Variants in SPAG17 observed in about 807,000 individuals in gnomAD.
SPAG17 encodes the protein sperm-associated antigen 17.
SPAG17 carries 169 observed loss-of-function variants against 273.6 expected under a neutral mutation model. The observed-to-expected ratio is 0.62, with a 90% CI of 0.55 to 0.70. The LOEUF is 0.70. SPAG17 is among the 30% of genes least tolerant of loss of function. SPAG17 has a pLI of 0.00. For missense variants in SPAG17, 2,557 were observed against 2,627.8 expected (o/e 0.97, Z 0.59); for synonymous variants, 825 against 873.2 (o/e 0.94, Z 0.97).
At chr1:118,036,129 T>C (rs1649047349) in intron 24 of SPAG17, among the ~76,000 whole-genome samples, 1 of 152,022 alleles carries the variant, frequency 6.6e-6, no homozygotes, top group Non-Finnish European at 1.5e-5. Context: ...TTGAGGCTGC[T>C]GTGAGGCATG....
At chr1:118,165,480 C>G (rs1357534509) in intron 1 of SPAG17, among the ~76,000 whole-genome samples, 1 of 152,030 alleles carries the variant, frequency 6.6e-6, no homozygotes, top group Non-Finnish European at 1.5e-5. Context: ...GCTACTTCAT[C>G]AAGAGTTGAA....
Position 117,994,391 on chromosome 1 carries a change from G to C in SPAG17, c.5178+15C>G. ...TATACGCTAATAAAATGACTTTTTA[G>C]AAGAAATTATATACCTCAACTGAGG... On this transcript the variant is annotated intron_variant, in intron 35 of 48. Transcript: ENST00000336338. The C allele has an allele frequency of 6.2e-7, 1 of 1,608,094 alleles. No individual in the cohort carries two copies. Among genetic ancestry groups the C allele is most frequent in the South Asian group, 1.1e-5 (1 of 90,066 alleles).
intron 1 of SPAG17, among the ~76,000 whole-genome samples, chr1:118,157,870 T>C (rs574208230): frequency 6.6e-6 from 1 of 152,332 alleles, no homozygotes; most frequent in East Asian, 1.9e-4. Flanking sequence ...CTAGCCATCC[T>C]TAAAGATATT....
chr1:118,092,032 CT>C (rs765456365), intron 8 of SPAG17, 30 bp from the exon 9 acceptor site: 11 of 1,588,922 alleles, frequency 6.9e-6, no homozygotes, highest in Non-Finnish European at 9.5e-6. Flanking sequence ...AAAGAAACAA[CT>C]GAGATACCCA....
chr1:117,988,309 T>C, intron 38 of SPAG17, 105 bp from the exon 39 acceptor site: 1 of 727,010 alleles, frequency 1.4e-6, no homozygotes, highest in South Asian at 2.9e-5. Flanking sequence ...GCCTATATAG[T>C]TAATCTATCA....
chr1:118,012,198 A>G, intron 30 of SPAG17, 30 bp downstream of exon 30: 1 of 1,595,764 alleles, frequency 6.3e-7, no homozygotes, highest in South Asian at 1.1e-5. Flanking sequence ...GTTATAAAAT[A>G]TTGTCATGTA....
rs1393993247 is a variant in SPAG17 at position 117,987,844 on chromosome 1, C to T, written c.5659G>A (p.Asp1887Asn). Reference sequence around the variant, plus strand: ...TTGGGGTATAATTACCTCGTTTTGTCTATCTTTTCTTTCCAGCGTTTTGAG... The same window carrying T: ...TTGGGGTATAATTACCTCGTTTTGTTTATCTTTTCTTTCCAGCGTTTTGAG... ...ASSKRWKEKI[D>N]KTRKEIETTQ... Residue 1887 changes from aspartate (D) to asparagine (N), a missense_variant, in exon 40 of 49, where the codon GAC (aspartate) becomes AAC (asparagine). Asp to Asn is a conservative substitution (Grantham distance 23). Coordinates refer to ENST00000336338, the MANE Select transcript of SPAG17 (RefSeq NM_206996.4). The T allele has an allele frequency of 1.2e-5, 19 of 1,612,144 alleles. No homozygotes were observed. The highest frequency in any genetic ancestry group is 1.5e-5 in the Non-Finnish European group (18 of 1,178,638).
intron 4 of SPAG17, among the ~76,000 whole-genome samples, chr1:118,109,892 A>G (rs942352510): frequency 6.6e-6 from 1 of 151,934 alleles, no homozygotes; most frequent in Non-Finnish European, 1.5e-5. Context: ...TTTTCACAAA[A>G]CTCCTTCATC....
At position 118,066,899 on chromosome 1, in the gene SPAG17, C is replaced by G; in HGVS notation, c.2386G>C (p.Val796Leu). 1.9e-6 allele frequency: 3 copies of G among 1,596,738 alleles called. No individual in the cohort carries two copies. Among genetic ancestry groups the G allele is most frequent in the Non-Finnish European group, 2.6e-6 (3 of 1,175,106 alleles). The change falls in exon 18 of 49, where the codon GTC (valine) becomes CTC (leucine). Residue 796 changes from valine (V) to leucine (L), a missense_variant and splice_region_variant. By Grantham distance (32) the Val-to-Leu change is conservative. Coordinates refer to ENST00000336338, the MANE Select transcript of SPAG17 (RefSeq NM_206996.4). ...EHFKPKVLLQVLQEAHKQYRC... is the reference protein window; with the variant it reads ...EHFKPKVLLQLLQEAHKQYRC... Reference sequence around the variant, plus strand: ...TATTGCTTATGGGCTTCTTGAAGGACCTGAAAATCAAAATAATTGCATTGT... The same window carrying G: ...TATTGCTTATGGGCTTCTTGAAGGAGCTGAAAATCAAAATAATTGCATTGT...
At chr1:118,082,556 A>G (rs1654669961) in intron 13 of SPAG17, among the ~76,000 whole-genome samples, 1 of 152,194 alleles carries the variant, frequency 6.6e-6, no homozygotes, top group South Asian at 2.1e-4. Flanking sequence ...TTGAGCCCCT[A>G]TTAGGCATCA....
intron 17 of SPAG17, among the ~76,000 whole-genome samples, chr1:118,069,344 C>CAAAAAAAAAAAAAAAAAAAAAA (rs563980015): frequency 1.0e-4 from 9 of 86,142 alleles, no homozygotes; most frequent in Non-Finnish European, 1.3e-4. Context: ...GACTCCGTCT[C>CAAAAAAAAAAAAAAAAAAAAAA]AAAAAAAAAA....
rs781066299 is a variant in SPAG17 at position 117,987,861 on chromosome 1, C to A, written c.5642G>T (p.Arg1881Leu). Residue 1881 changes from arginine (R) to leucine (L), a missense_variant, in exon 40 of 49, where the codon CGC becomes CTC. Transcript: ENST00000336338. ...CGTTTTGTCTATCTTTTCTTTCCAGCGTTTTGAGGATGCTGTGTGTCTATG... is the reference window on the plus strand; with the variant it reads ...CGTTTTGTCTATCTTTTCTTTCCAGAGTTTTGAGGATGCTGTGTGTCTATG... ...KTWRHTASSK[R>L]WKEKIDKTRK... The A allele has an allele frequency of 6.2e-7, 1 of 1,611,990 alleles. No individual in the cohort carries two copies. Among genetic ancestry groups the A allele is most frequent in the Admixed American group, 1.7e-5 (1 of 59,906 alleles).
chr1:117,988,147 G>A lies in SPAG17; in HGVS notation c.5579C>T (p.Pro1860Leu). 6.2e-7 allele frequency: 1 copy of A among 1,607,880 alleles called. No homozygotes were observed. The highest frequency in any genetic ancestry group is 1.1e-5 in the South Asian group (1 of 89,436). Residue 1860 changes from proline to leucine, a missense_variant, in exon 39 of 49, where the codon CCA becomes CTA. By Grantham distance (98) the Pro-to-Leu change is moderately conservative (BLOSUM62 -3). Coordinates refer to ENST00000336338, the MANE Select transcript of SPAG17 (RefSeq NM_206996.4). ...KQSLATPPKC[P>L]PDTFGKDFFE... ...GAAATCTTTACCAAATGTGTCTGGT[G>A]GGCATTTTGGAGGCGTAGCCAAAGA...
intron 17 of SPAG17, among the ~76,000 whole-genome samples, chr1:118,067,841 C>A (rs1042696057): frequency 2.0e-5 from 3 of 152,128 alleles, no homozygotes; most frequent in African/African-American, 7.2e-5. Flanking sequence ...CTCCACTATA[C>A]CATGCTGTGT....
intron 23 of SPAG17, among the ~76,000 whole-genome samples, chr1:118,038,927 A>G: frequency 6.6e-6 from 1 of 152,112 alleles, no homozygotes; most frequent in East Asian, 1.9e-4. Flanking sequence ...GGTGATAATG[A>G]TATGTTAATG....
intron 3 of SPAG17, among the ~76,000 whole-genome samples, chr1:118,149,827 T>G (rs138532906): frequency 1.8e-3 from 267 of 152,348 alleles, no homozygotes; most frequent in African/African-American, 4.9e-3. Flanking sequence ...CTGACAAATT[T>G]TAAGTGATAT....
intron 29 of SPAG17, among the ~76,000 whole-genome samples, chr1:118,015,173 T>C (rs1659841809): frequency 6.6e-6 from 1 of 150,834 alleles, no homozygotes. Context: ...TTATCCCAGC[T>C]ACATGGGAGG....
At chr1:118,167,211 A>T (rs1558058196) in intron 1 of SPAG17, among the ~76,000 whole-genome samples, 1 of 152,124 alleles carries the variant, frequency 6.6e-6, no homozygotes, top group African/African-American at 2.4e-5. Flanking sequence ...AAATTCTCTG[A>T]TTTTTTTAAA....
chr1:117,953,927 C>A lies in SPAG17; in HGVS notation c.*123G>T. Reference sequence around the variant, plus strand: ...TGAAGCTATTTCATTTGGCAAATTTCTGGTCAGTTCTTCCAGTTTCAGTGT... The same window carrying A: ...TGAAGCTATTTCATTTGGCAAATTTATGGTCAGTTCTTCCAGTTTCAGTGT... On this transcript the variant is annotated 3_prime_UTR_variant, in exon 49 of 49. Coordinates refer to ENST00000336338, the MANE Select transcript of SPAG17 (RefSeq NM_206996.4). The A allele has an allele frequency of 8.3e-7, 1 of 1,208,968 alleles. No homozygotes were observed. 74.9% of individuals were successfully genotyped at this position (1,208,968 alleles called of 1,614,324 possible). A position where few individuals can be genotyped will look rare whatever the true frequency, so the allele number is the denominator to read the frequency against.
Sources: allele counts gnomAD v4.1 joint callset (sites outside exome capture counted in the v4.1 genomes callset), GRCh38; gene constraint gnomAD v4.1.1; transcripts MANE v1.5; gene names NCBI Gene and HGNC (gene_info 2026-07-23, HGNC 2026-07-21).